The following SLIT3 variants were observed in gnomAD, a reference collection of about 807,000 sequenced individuals.
SLIT3 encodes the protein slit guidance ligand 3.
In SLIT3, 68 loss-of-function variants were observed where a neutral mutation model predicts 184.0. The observed-to-expected ratio is 0.37, with a 90% CI of 0.30 to 0.45. The LOEUF (loss-of-function observed/expected upper bound fraction) is 0.45. Among genes scored for constraint, SLIT3 ranks in the 20% least tolerant of loss-of-function variants. The pLI is 1.00. For missense variants in SLIT3, 1,707 were observed against 2,026.0 expected (o/e 0.84, Z 3.02); for synonymous variants, 831 against 828.6 (o/e 1.00, Z -0.05).
At chr5:169,160,158 A>T (rs1201847426) in intron 4 of SLIT3, among the ~76,000 whole-genome samples, 3 of 152,210 alleles carry the variant, frequency 2.0e-5, no homozygotes, top group Admixed American at 2.0e-4. Context: ...CTGATCCCAA[A>T]GAGTTGTACT....
In SLIT3 at chr5:168,687,042, C is replaced by A. The variant is rs143540502; in HGVS notation, c.3251G>T (p.Arg1084Leu). Reference sequence around the variant, plus strand: ...TGTGTCCACGCACTGGGCCCCGTGGCGGCACTTGTGGGCCACACAGTCATC... The same window carrying A: ...TGTGTCCACGCACTGGGCCCCGTGGAGGCACTTGTGGGCCACACAGTCATC... ...DNDDCVAHKC[R>L]HGAQCVDTIN... is the part of the protein sequence containing the mutation. Residue 1084 changes from arginine (R) to leucine (L), a missense_variant, in exon 30 of 36, where the codon CGC becomes CTC. Around this residue, in one of 3 missense-constraint regions of SLIT3, gnomAD observed 1,307 missense variants for 1,511.6 expected, o/e 0.86. Coordinates refer to ENST00000519560, the MANE Select transcript of SLIT3 (RefSeq NM_003062.4). 1 of 1,614,266 alleles carries A rather than the reference C, an allele frequency of 6.2e-7. No individual in the cohort carries two copies. The highest frequency in any genetic ancestry group is 8.5e-7 in the Non-Finnish European group (1 of 1,180,046).
At chr5:169,119,171 C>T (rs1025021042) in intron 4 of SLIT3, among the ~76,000 whole-genome samples, 1 of 152,168 alleles carries the variant, frequency 6.6e-6, no homozygotes, top group Non-Finnish European at 1.5e-5. Context: ...AAGACTCTGA[C>T]CCAGAGCAAA....
At chr5:168,855,642 T>C (rs180681736) in intron 5 of SLIT3, among the ~76,000 whole-genome samples, 17 of 152,232 alleles carry the variant, frequency 1.1e-4, no homozygotes, top group Non-Finnish European at 2.4e-4. Context: ...TATTGTGTGA[T>C]TCCATGAATA....
intron 4 of SLIT3, among the ~76,000 whole-genome samples, chr5:168,960,418 T>C (rs1762964461): frequency 6.6e-6 from 1 of 152,230 alleles, no homozygotes; most frequent in Non-Finnish European, 1.5e-5. Flanking sequence ...ATTGGTTTCA[T>C]TAATCATCAT....
intron 27 of SLIT3, among the ~76,000 whole-genome samples, chr5:168,698,531 G>A (rs2113275371): frequency 6.6e-6 from 1 of 152,214 alleles, no homozygotes; most frequent in Non-Finnish European, 1.5e-5. Flanking sequence ...AGGCTCAGAG[G>A]GAGCATGGCC....
chr5:169,065,514 C>G (rs542179493), intron 4 of SLIT3, among the ~76,000 whole-genome samples: 99 of 152,082 alleles, frequency 6.5e-4, no homozygotes, highest in African/African-American at 2.1e-3. Context: ...ATACTTGTCT[C>G]TCTGGGGAAT....
At chr5:168,702,234 C>T (rs980232708) in intron 26 of SLIT3, among the ~76,000 whole-genome samples, 6 of 152,226 alleles carry the variant, frequency 3.9e-5, no homozygotes, top group Admixed American at 3.3e-4. Context: ...CCGTTCCAGG[C>T]CTCATGCTAA....
intron 20 of SLIT3, among the ~76,000 whole-genome samples, chr5:168,745,072 G>A (rs990621996): frequency 6.6e-6 from 1 of 152,188 alleles, no homozygotes; most frequent in Non-Finnish European, 1.5e-5. Flanking sequence ...GGTCAAAATA[G>A]CAACATTAAT....
Position 168,663,506 on chromosome 5 carries a change from C to A in SLIT3, c.*2948G>T, listed in dbSNP as rs1321137263. 3 of 152,384 alleles carry A rather than the reference C, an allele frequency of 2.0e-5. No homozygotes were observed. In the East Asian group the frequency reaches 5.8e-4, roughly 29 times the overall value. The allele number at this position is 152,384 out of a possible 1,614,324, so 9.4% of individuals were successfully genotyped here. A position where few individuals can be genotyped will look rare whatever the true frequency, so the allele number is the denominator to read the frequency against. ...CTCCTCTTTCAGGCCTTTATGCTGC[C>A]ACAGCTCTCTTCCTAAACCAGAGCT... On this transcript the variant is annotated 3_prime_UTR_variant, in exon 36 of 36. Coordinates refer to ENST00000519560, the MANE Select transcript of SLIT3 (RefSeq NM_003062.4).
At chr5:168,926,367 G>A (rs1397660130) in intron 4 of SLIT3, among the ~76,000 whole-genome samples, 1 of 152,232 alleles carries the variant, frequency 6.6e-6, no homozygotes, top group Non-Finnish European at 1.5e-5. Flanking sequence ...TTCTCTAAGA[G>A]AGAACATATA....
chr5:169,081,292 G>T (rs890000148), intron 4 of SLIT3, among the ~76,000 whole-genome samples: 19 of 152,230 alleles, frequency 1.2e-4, no homozygotes, highest in Admixed American at 1.3e-4. Context: ...AGCCTGGGAA[G>T]AGGAGAGGAA....
intron 4 of SLIT3, among the ~76,000 whole-genome samples, chr5:168,983,029 C>A (rs563669910): frequency 6.8e-4 from 104 of 152,192 alleles, no homozygotes; most frequent in African/African-American, 2.3e-3. Context: ...CATGTATTTT[C>A]CCATGTTATT....
chr5:169,274,378 C>G (rs1195075863), intron 1 of SLIT3, among the ~76,000 whole-genome samples: 1 of 152,186 alleles, frequency 6.6e-6, no homozygotes, highest in African/African-American at 2.4e-5. Context: ...CCTTATGCAT[C>G]TATTTCGTCA....
At chr5:168,901,413 A>G (rs1469110373) in intron 4 of SLIT3, among the ~76,000 whole-genome samples, 1 of 127,260 alleles carries the variant, frequency 7.9e-6, no homozygotes, top group Non-Finnish European at 1.8e-5. Context: ...CTTCTACCCC[A>G]TAAGTTTATA....
chr5:169,073,218 A>G (rs376072056), intron 4 of SLIT3, among the ~76,000 whole-genome samples: 1 of 152,098 alleles, frequency 6.6e-6, no homozygotes, highest in African/African-American at 2.4e-5. Context: ...TTAATATCCT[A>G]ATTCTCATGT....
At chr5:168,973,401 C>CCA (rs989427788) in intron 4 of SLIT3, among the ~76,000 whole-genome samples, 6 of 152,142 alleles carry the variant, frequency 3.9e-5, no homozygotes, top group African/African-American at 1.4e-4. Context: ...GTGCTCACTG[C>CCA]CACACCCAGC....
intron 6 of SLIT3, among the ~76,000 whole-genome samples, chr5:168,826,191 G>A (rs2113675798): frequency 6.6e-6 from 1 of 152,342 alleles, no homozygotes; most frequent in South Asian, 2.1e-4. Flanking sequence ...ATTTAAATGT[G>A]AGTCGTAATG....
At chr5:169,144,738 C>T (rs1040641818) in intron 4 of SLIT3, among the ~76,000 whole-genome samples, 4 of 152,220 alleles carry the variant, frequency 2.6e-5, no homozygotes, top group Non-Finnish European at 4.4e-5. Context: ...CAGGAGAATG[C>T]CCAATGGCCA....
chr5:169,175,002 G>A (rs570303813), intron 4 of SLIT3, among the ~76,000 whole-genome samples: 2 of 152,276 alleles, frequency 1.3e-5, no homozygotes, highest in Admixed American at 1.3e-4. Context: ...ATAAATGTAT[G>A]TTCATTTTAG....
Sources: allele counts gnomAD v4.1 joint callset (sites outside exome capture counted in the v4.1 genomes callset), GRCh38; gene constraint gnomAD v4.1.1; regional missense constraint gnomAD v4.1.1; transcripts MANE v1.5; gene names NCBI Gene and HGNC (gene_info 2026-07-23, HGNC 2026-07-21).